Variants in OCA2 observed in about 807,000 individuals in gnomAD.
OCA2 encodes P protein.
OCA2 carries 77 observed loss-of-function variants against 100.2 expected under a neutral mutation model. The ratio of observed to expected loss-of-function variants is 0.77; its 90% confidence interval spans 0.64 to 0.93. The LOEUF (loss-of-function observed/expected upper bound fraction) is 0.93. OCA2 is among the 40% of genes least tolerant of loss of function. OCA2 has a pLI of 0.00. For missense variants in OCA2, 1,062 were observed against 1,089.1 expected (o/e 0.98, Z 0.35); for synonymous variants, 432 against 439.2 (o/e 0.98, Z 0.21).
chr15:28,003,885 T>C (rs113624298), intron 9 of OCA2, among the ~76,000 whole-genome samples: 4,748 of 152,290 alleles, frequency 0.031, 277 homozygotes, highest in African/African-American at 0.11. Flanking sequence ...CACCGCGTCA[T>C]GCTCCGGCCT....
intron 22 of OCA2, among the ~76,000 whole-genome samples, chr15:27,848,637 G>T (rs2035623030): frequency 6.6e-6 from 1 of 152,212 alleles, no homozygotes; most frequent in Non-Finnish European, 1.5e-5. Flanking sequence ...ACCATGCCTG[G>T]CTCTGTTTTT....
rs1567192277 is a variant in OCA2, at chr15:27,984,533, TG to T, written c.1364+530del. ...GGACTCCTGGCACCTGGGCACCTGG[TG>T]GTCTGGGGTGAGCCATTTTTTGTTT... On this transcript the variant is annotated intron_variant, in intron 13 of 23. Coordinates refer to ENST00000354638, the MANE Select transcript of OCA2 (RefSeq NM_000275.3). Among the ~76,000 whole-genome samples, 7 of 152,260 alleles carry T rather than the reference TG, an allele frequency of 4.6e-5. No individual in the cohort carries two copies. The South Asian group carries it at 1.2e-3, about 27-fold the overall frequency.
At chr15:27,765,938 T>C (rs1292105906) in intron 23 of OCA2, among the ~76,000 whole-genome samples, 1 of 152,198 alleles carries the variant, frequency 6.6e-6, no homozygotes, top group Non-Finnish European at 1.5e-5. Context: ...GCCAACCTCC[T>C]AACTCATCCC....
At chr15:28,016,651 A>C (rs113489007) in intron 7 of OCA2, among the ~76,000 whole-genome samples, 1 of 152,184 alleles carries the variant, frequency 6.6e-6, no homozygotes, top group Non-Finnish European at 1.5e-5. Flanking sequence ...GCCTGGTGGC[A>C]TGTGCTTGTG....
the OCA2 span, among the ~76,000 whole-genome samples, chr15:27,748,090 AAC>A: frequency 6.6e-6 from 1 of 152,176 alleles, no homozygotes; most frequent in Non-Finnish European, 1.5e-5. Flanking sequence ...CTTCAAGCTG[AAC>A]ACGAGTCCCA....
At chr15:27,868,634 C>T (rs1034888525) in intron 21 of OCA2, among the ~76,000 whole-genome samples, 7 of 151,968 alleles carry the variant, frequency 4.6e-5, no homozygotes, top group Admixed American at 2.6e-4. Flanking sequence ...TTCCAGGGGC[C>T]GTGGTATGAC....
intron 2 of OCA2, among the ~76,000 whole-genome samples, chr15:28,068,844 A>G (rs1450743005): frequency 6.6e-6 from 1 of 152,258 alleles, no homozygotes; most frequent in Non-Finnish European, 1.5e-5. Context: ...GCAAAACTGT[A>G]TGATCATCTC....
Position 27,871,373 on chromosome 15 carries a change from C to T in OCA2, c.2140-115G>A, listed in dbSNP as rs368647557. 12 of 766,466 alleles carry T rather than the reference C, an allele frequency of 1.6e-5. 1 individual carries two copies. The highest frequency in any genetic ancestry group is 6.8e-5 in the African/African-American group (4 of 58,506). The allele number at this position is 766,466 out of a possible 1,614,324, so 47.5% of individuals were successfully genotyped here. Reference sequence around the variant, plus strand: ...TGTTAGTCCTTCCTCTTACCCATCACGAGACCAAGGCAGACATAGGTGTGC... The same window carrying T: ...TGTTAGTCCTTCCTCTTACCCATCATGAGACCAAGGCAGACATAGGTGTGC... On this transcript the variant is annotated intron_variant, in intron 20 of 23. Transcript: ENST00000354638.
At chr15:27,946,209 G>A (rs2039828279) in intron 18 of OCA2, among the ~76,000 whole-genome samples, 1 of 151,942 alleles carries the variant, frequency 6.6e-6, no homozygotes, top group Non-Finnish European at 1.5e-5. Flanking sequence ...AAACTTCTGG[G>A]GCTCAGAAAG....
intron 21 of OCA2, among the ~76,000 whole-genome samples, chr15:27,853,288 T>C (rs62003799): frequency 0.29 from 36,831 of 124,858 alleles, 3,925 homozygotes; most frequent in Middle Eastern, 0.47. Flanking sequence ...ATGGATGAAA[T>C]TGGAAATCAT....
chr15:28,012,712 AG>A (rs1491003036), intron 9 of OCA2, among the ~76,000 whole-genome samples: 2 of 152,250 alleles, frequency 1.3e-5, no homozygotes, highest in African/African-American at 4.8e-5. Context: ...CAAATTATGT[AG>A]TTTTCAAAGG....
At chr15:27,747,588 C>G in the OCA2 span, among the ~76,000 whole-genome samples, 1 of 152,098 alleles carries the variant, frequency 6.6e-6, no homozygotes, top group Non-Finnish European at 1.5e-5. Context: ...CAGAACCACC[C>G]AGACGTCAGT....
At chr15:27,852,275 T>C (rs1189646420) in intron 21 of OCA2, among the ~76,000 whole-genome samples, 2 of 152,212 alleles carry the variant, frequency 1.3e-5, no homozygotes, top group East Asian at 1.9e-4. Context: ...GCTTTCTACA[T>C]ATGGCTAGCC....
intron 21 of OCA2, among the ~76,000 whole-genome samples, chr15:27,859,708 C>T (rs2036063245): frequency 6.6e-6 from 1 of 152,110 alleles, no homozygotes; most frequent in Non-Finnish European, 1.5e-5. Flanking sequence ...TCAGACAAAG[C>T]CACTACAAGA....
chr15:27,722,721 T>TTAC, the OCA2 span, among the ~76,000 whole-genome samples: 1 of 97,086 alleles, frequency 1.0e-5, no homozygotes, highest in Non-Finnish European at 2.5e-5. Flanking sequence ...TCTTTCTCTC[T>TTAC]TTCTTCTTTC....
At chr15:28,087,985 C>T (rs530388847) in intron 1 of OCA2, among the ~76,000 whole-genome samples, 3 of 151,930 alleles carry the variant, frequency 2.0e-5, no homozygotes, top group Non-Finnish European at 4.4e-5. Flanking sequence ...TCATTTGAAC[C>T]CAGAAGGCAG....
chr15:28,009,902 TAGAG>T (rs1358574805), intron 9 of OCA2, among the ~76,000 whole-genome samples: 7 of 152,128 alleles, frequency 4.6e-5, no homozygotes, highest in East Asian at 1.9e-4. Flanking sequence ...ATGTAAGAAT[TAGAG>T]AGAACTAACT....
At chr15:27,736,673 G>T in the OCA2 span, among the ~76,000 whole-genome samples, 1 of 152,182 alleles carries the variant, frequency 6.6e-6, no homozygotes, top group Non-Finnish European at 1.5e-5. Flanking sequence ...ATGGCCTCAA[G>T]TGTTGTCACA....
At chr15:27,743,691 G>T in the OCA2 span, among the ~76,000 whole-genome samples, 1 of 152,202 alleles carries the variant, frequency 6.6e-6, no homozygotes, top group Non-Finnish European at 1.5e-5. Context: ...CACCATCATA[G>T]GACAAGTGGG....
Sources: allele counts gnomAD v4.1 joint callset (sites outside exome capture counted in the v4.1 genomes callset), GRCh38; gene constraint gnomAD v4.1.1; transcripts MANE v1.5; gene names NCBI Gene and HGNC (gene_info 2026-07-23, HGNC 2026-07-21).